The following TRAK1 variants were observed in gnomAD, a reference collection of about 807,000 sequenced individuals.
TRAK1 encodes trafficking kinesin-binding protein 1.
Under a neutral mutation model 92.1 loss-of-function variants are expected in TRAK1, and 33 were observed. That is an observed-to-expected ratio of 0.36 (90% confidence interval 0.27 to 0.48). The LOEUF is 0.48. TRAK1 is among the 20% of genes least tolerant of loss of function. The probability of loss-of-function intolerance (pLI) is 0.99; values close to 1 mark genes in which losing one functional copy is unlikely to be tolerated. For synonymous variants in TRAK1, 521 were observed against 517.3 expected (o/e 1.01, Z -0.10); for missense variants, 1,123 against 1,257.9 (o/e 0.89, Z 1.62).
chr3:42,217,798 C>G (rs1466974660), intron 14 of TRAK1: 1 of 985,182 alleles, frequency 1.0e-6, no homozygotes, highest in African/African-American at 1.7e-5. Context: ...TGTTTCTAGA[C>G]CTTATTGCGG....
chr3:42,076,136 G>A (rs572762034), intron 1 of TRAK1, among the ~76,000 whole-genome samples: 22 of 151,058 alleles, frequency 1.5e-4, no homozygotes, highest in African/African-American at 4.6e-4. Context: ...GTGACTGCAC[G>A]CAGCCTCCTT....
chr3:42,193,650 G>A (rs1706152899), intron 8 of TRAK1, among the ~76,000 whole-genome samples, 174 bp from the exon 9 acceptor site: 1 of 152,164 alleles, frequency 6.6e-6, no homozygotes, highest in Non-Finnish European at 1.5e-5. Context: ...GAGAATGAAT[G>A]TGGATATAGG....
chr3:42,203,775 G>A (rs1707998249), intron 13 of TRAK1: 13 of 955,026 alleles, frequency 1.4e-5, no homozygotes, highest in Non-Finnish European at 1.6e-5. Flanking sequence ...ACCCCCCAAA[G>A]ACATTTTAAT....
chr3:42,093,969 A>C (rs1705522803), intron 1 of TRAK1, among the ~76,000 whole-genome samples: 2 of 152,096 alleles, frequency 1.3e-5, no homozygotes, highest in South Asian at 2.1e-4. Context: ...CTCCCAGAGT[A>C]CTAGGATTAC....
chr3:42,079,477 C>CTTTTTTTTTTTTTTTTTTTTT (rs748826131), intron 1 of TRAK1, among the ~76,000 whole-genome samples: 1 of 136,250 alleles, frequency 7.3e-6, no homozygotes. Context: ...GCTCCTTCTT[C>CTTTTTTTTTTTTTTTTTTTTT]TTTTTTTTTT....
chr3:42,034,252 C>CAT lies in TRAK1; in HGVS notation c.-519+20136_-519+20137dup, dbSNP rs535906401. Among the ~76,000 whole-genome samples, 426 of 152,340 alleles carry CAT rather than the reference C, an allele frequency of 2.8e-3. 3 individuals carry two copies. Among genetic ancestry groups the CAT allele is most frequent in the Non-Finnish European group, 4.6e-3 (311 of 68,024 alleles). On this transcript the variant is annotated intron_variant, in intron 1 of 16. Coordinates refer to the TRAK1 transcript ENST00000487159. ...ATCACATAGTCACCTATCAATCCAG[C>CAT]ATGGTGACCCTGTAAACCAGTGTCA...
chr3:42,094,588 T>A (rs965257955), intron 1 of TRAK1, among the ~76,000 whole-genome samples: 2 of 152,024 alleles, frequency 1.3e-5, no homozygotes, highest in African/African-American at 2.4e-5. Context: ...ACCAGGCTGG[T>A]CTTGAACTTC....
chr3:42,048,570 T>TC (rs1039529761), intron 1 of TRAK1, among the ~76,000 whole-genome samples: 10 of 150,872 alleles, frequency 6.6e-5, no homozygotes, highest in Non-Finnish European at 1.5e-4. Flanking sequence ...TCTTTTCTTT[T>TC]TTTTTTTTTT....
chr3:42,112,735 C>CAAAA (rs774716012), intron 1 of TRAK1, among the ~76,000 whole-genome samples: 82 of 54,616 alleles, frequency 1.5e-3, no homozygotes, highest in African/African-American at 3.5e-3. Flanking sequence ...GACTCTGTCT[C>CAAAA]AAAAAAAAAA....
intron 1 of TRAK1, among the ~76,000 whole-genome samples, chr3:42,030,498 C>A (rs1702090254): frequency 6.7e-6 from 1 of 149,946 alleles, no homozygotes; most frequent in South Asian, 2.1e-4. Context: ...CGTGATGAAA[C>A]CCCATCTCTA....
intron 1 of TRAK1, among the ~76,000 whole-genome samples, chr3:42,102,067 C>T (rs529961790): frequency 3.9e-5 from 6 of 152,342 alleles, no homozygotes; most frequent in African/African-American, 1.4e-4. Context: ...CTCACTGCAA[C>T]TTCCGCCTCC....
chr3:42,137,806 G>A (rs921509272), intron 2 of TRAK1, among the ~76,000 whole-genome samples: 4 of 152,140 alleles, frequency 2.6e-5, no homozygotes, highest in African/African-American at 9.7e-5. Flanking sequence ...CCAGTCCTGC[G>A]TTAGAGGGCC....
chr3:42,178,596 G>C (rs750087082), intron 3 of TRAK1, among the ~76,000 whole-genome samples: 1 of 152,090 alleles, frequency 6.6e-6, no homozygotes, highest in African/African-American at 2.4e-5. Context: ...TGTTCATCCA[G>C]CTGGATGAAC....
At chr3:42,065,345 C>T (rs140378844) in intron 1 of TRAK1, among the ~76,000 whole-genome samples, 1 of 152,294 alleles carries the variant, frequency 6.6e-6, no homozygotes, top group Non-Finnish European at 1.5e-5. Flanking sequence ...ATTTCAGATT[C>T]TTCTGGAATT....
chr3:42,198,866 C>G (rs1348550603), intron 10 of TRAK1, among the ~76,000 whole-genome samples: 1 of 152,056 alleles, frequency 6.6e-6, no homozygotes, highest in South Asian at 2.1e-4. Flanking sequence ...CATCCCATCT[C>G]GTAGCCATGG....
intron 2 of TRAK1, among the ~76,000 whole-genome samples, chr3:42,166,602 C>T (rs1701901206): frequency 6.6e-6 from 1 of 152,136 alleles, no homozygotes; most frequent in South Asian, 2.1e-4. Flanking sequence ...TTGTAAAATG[C>T]CTAGGAAAGC....
chr3:42,102,939 C>T (rs1476518377), intron 1 of TRAK1, among the ~76,000 whole-genome samples: 6 of 152,108 alleles, frequency 3.9e-5, no homozygotes, highest in East Asian at 1.9e-4. Flanking sequence ...CTTGTGGTTA[C>T]GTTTTTTCTT....
At chr3:42,182,305 T>C (rs1476578750) in intron 3 of TRAK1, among the ~76,000 whole-genome samples, 1 of 151,718 alleles carries the variant, frequency 6.6e-6, no homozygotes, top group East Asian at 1.9e-4. Context: ...CTCTCTTTTT[T>C]TTTTTTTTTC....
intron 14 of TRAK1, chr3:42,218,592 A>G: frequency 1.0e-6 from 1 of 985,172 alleles, no homozygotes; most frequent in Non-Finnish European, 1.2e-6. Context: ...GATGTCTCCC[A>G]TAGACTCTGT....
Sources: gnomAD v4.1 joint callset for allele counts (sites outside exome capture counted in the v4.1 genomes callset) on GRCh38, gnomAD v4.1.1 for gene constraint, MANE v1.5 for transcripts, NCBI Gene and HGNC (gene_info 2026-07-23, HGNC 2026-07-21) for gene names.